Variants in CSMD1 observed in about 807,000 individuals in gnomAD.
The protein encoded by CSMD1 is CUB and Sushi multiple domains 1.
CSMD1 carries 213 observed loss-of-function variants against 417.5 expected under a neutral mutation model. That is an observed-to-expected ratio of 0.51 (90% CI 0.46 to 0.57). The LOEUF (loss-of-function observed/expected upper bound fraction) is 0.57. CSMD1 is among the 20% of genes least tolerant of loss of function. The pLI, the probability that CSMD1 is intolerant of heterozygous loss-of-function variation, is 0.00. For synonymous variants in CSMD1, 2,862 were observed against 1,736.8 expected (o/e 1.65, Z -16.11); for missense variants, 6,923 against 4,529.7 (o/e 1.53, Z -15.17).
intron 7 of CSMD1, among the ~76,000 whole-genome samples, chr8:3,688,717 A>T (rs1347198602): frequency 6.6e-6 from 1 of 152,190 alleles, no homozygotes; most frequent in African/African-American, 2.4e-5. Context: ...TTTCTCCTCA[A>T]TTAAAAAATA....
chr8:3,342,703 T>A (rs1807739158), intron 23 of CSMD1, among the ~76,000 whole-genome samples: 1 of 152,164 alleles, frequency 6.6e-6, no homozygotes, highest in Non-Finnish European at 1.5e-5. Context: ...CACCGATAAC[T>A]GGGAGCTACA....
chr8:3,434,999 G>C (rs890072406), intron 12 of CSMD1, among the ~76,000 whole-genome samples: 6 of 151,310 alleles, frequency 4.0e-5, no homozygotes, highest in Non-Finnish European at 8.8e-5. Flanking sequence ...GTAGCAGACA[G>C]GACAGGGAGC....
intron 5 of CSMD1, among the ~76,000 whole-genome samples, chr8:3,780,379 T>G (rs2129062438): frequency 6.6e-6 from 1 of 152,308 alleles, no homozygotes; most frequent in East Asian, 1.9e-4. Context: ...AGAGGCGGCC[T>G]GGTCCTTAAT....
chr8:3,242,781 C>T (rs1334062980), intron 26 of CSMD1, among the ~76,000 whole-genome samples: 1 of 150,776 alleles, frequency 6.6e-6, no homozygotes, highest in South Asian at 2.1e-4. Flanking sequence ...TTCTTACCCT[C>T]CAGACAAGCG....
chr8:4,180,244 G>C (rs1584969489), intron 3 of CSMD1, among the ~76,000 whole-genome samples: 1 of 151,996 alleles, frequency 6.6e-6, no homozygotes. Context: ...ATACTATGCA[G>C]CAATAAAAAA....
intron 1 of CSMD1, among the ~76,000 whole-genome samples, chr8:4,745,531 T>C (rs1620910): frequency 0.19 from 28,467 of 152,154 alleles, 3,584 homozygotes; most frequent in African/African-American, 0.36. Context: ...CATTCAGGCT[T>C]TTGTTTGTTC....
chr8:4,252,072 A>C (rs1349404799), intron 3 of CSMD1, among the ~76,000 whole-genome samples: 1 of 152,228 alleles, frequency 6.6e-6, no homozygotes, highest in Admixed American at 6.5e-5. Context: ...CCCAGAAATT[A>C]AACTGAAACT....
In CSMD1 at chr8:4,860,177, C is replaced by T. The variant is rs982034307; in HGVS notation, c.85+134155G>A. On this transcript the variant is annotated intron_variant, in intron 1 of 69. Transcript: ENST00000635120. ...ATCGCAAGAACAAAAAACCAAACAC[C>T]GCATATTCTCACTCATAGGTGGGAA... is the stretch of plus-strand genomic sequence containing the variant. Among the ~76,000 whole-genome samples the T allele has an allele frequency of 4.7e-4, 69 of 146,532 alleles. 1 individual carries two copies. Among genetic ancestry groups the T allele is most frequent in the African/African-American group, 1.7e-3 (68 of 39,116 alleles).
rs1034950091 is a variant in CSMD1, at chr8:4,199,117, T to C, written c.416-167018A>G. Among the ~76,000 whole-genome samples, 4 of 152,198 alleles carry C rather than the reference T, an allele frequency of 2.6e-5. No individual in the cohort carries two copies. The East Asian group carries it at 7.7e-4, about 29-fold the overall frequency. On this transcript the variant is annotated intron_variant, in intron 3 of 69. Transcript: ENST00000635120. ...GCTCACCCTGAGCTTCTGCTGTCCG[T>C]AAAGTTCTCATATATTTGTATGAGA...
At chr8:4,416,339 CTAAAT>C (rs1377723554) in intron 3 of CSMD1, among the ~76,000 whole-genome samples, 1 of 151,968 alleles carries the variant, frequency 6.6e-6, no homozygotes, top group African/African-American at 2.4e-5. Context: ...AAAAGTCAAC[CTAAAT>C]TATTGCATAT....
chr8:3,431,900 C>T (rs1814240001), intron 12 of CSMD1, among the ~76,000 whole-genome samples: 1 of 152,198 alleles, frequency 6.6e-6, no homozygotes, highest in Non-Finnish European at 1.5e-5. Flanking sequence ...TTCTGCAGCA[C>T]CTCTTACTTC....
intron 1 of CSMD1, among the ~76,000 whole-genome samples, chr8:4,960,893 T>C (rs1051227508): frequency 1.3e-5 from 2 of 152,188 alleles, no homozygotes; most frequent in Non-Finnish European, 2.9e-5. Context: ...CCTCAACTCC[T>C]GAAATACAAC....
At chr8:3,472,670 C>A (rs375888990) in intron 11 of CSMD1, among the ~76,000 whole-genome samples, 17 of 152,034 alleles carry the variant, frequency 1.1e-4, no homozygotes, top group Non-Finnish European at 1.8e-4. Context: ...TGTATTTTTC[C>A]TATTGCCATT....
chr8:3,994,531 C>T (rs943317822), intron 5 of CSMD1, among the ~76,000 whole-genome samples: 6 of 150,426 alleles, frequency 4.0e-5, no homozygotes, highest in Non-Finnish European at 8.8e-5. Flanking sequence ...AATGACTAGA[C>T]CATGCTATAA....
chr8:3,251,730 T>G (rs1800279739), intron 26 of CSMD1, among the ~76,000 whole-genome samples: 1 of 152,200 alleles, frequency 6.6e-6, no homozygotes, highest in Non-Finnish European at 1.5e-5. Flanking sequence ...TGTCTCCTTT[T>G]TTATTTCATT....
At chr8:4,106,095 C>T (rs911292303) in intron 3 of CSMD1, among the ~76,000 whole-genome samples, 1 of 152,188 alleles carries the variant, frequency 6.6e-6, no homozygotes, top group African/African-American at 2.4e-5. Flanking sequence ...GTCTCTGAGG[C>T]AGGACAACCC....
At chr8:4,078,915 A>C (rs1382425013) in intron 3 of CSMD1, among the ~76,000 whole-genome samples, 1 of 70,322 alleles carries the variant, frequency 1.4e-5, no homozygotes, top group Admixed American at 1.7e-4. Context: ...ATATATATAT[A>C]TATATATATA....
At chr8:3,162,086 G>A (rs1014133717) in intron 38 of CSMD1, 73 bp downstream of exon 38, 4 of 924,612 alleles carry the variant, frequency 4.3e-6, no homozygotes, top group Middle Eastern at 2.1e-4. Context: ...ACAAAGTGAG[G>A]GCTTTGGCTT....
intron 5 of CSMD1, among the ~76,000 whole-genome samples, chr8:3,852,696 T>C (rs925595494): frequency 6.6e-5 from 10 of 151,944 alleles, no homozygotes; most frequent in Non-Finnish European, 1.3e-4. Context: ...GGAGGAGCCT[T>C]TGGAGGCTGT....
Sources: gnomAD v4.1 joint callset for allele counts (sites outside exome capture counted in the v4.1 genomes callset) on GRCh38, gnomAD v4.1.1 for gene constraint, MANE v1.5 for transcripts, NCBI Gene and HGNC (gene_info 2026-07-23, HGNC 2026-07-21) for gene names.